The following MARVELD3 variants were observed in gnomAD, a reference collection of about 807,000 sequenced individuals.
MARVELD3 encodes MARVEL domain containing 3.
A neutral mutation model predicts 33.5 loss-of-function variants in MARVELD3; 28 were observed. The ratio of observed to expected loss-of-function variants is 0.84; its 90% confidence interval spans 0.62 to 1.15. The LOEUF is 1.15. Among genes scored for constraint, MARVELD3 ranks in the 50% most tolerant of loss-of-function variants. The probability of loss-of-function intolerance (pLI) is 0.00; values close to 1 mark genes in which losing one functional copy is unlikely to be tolerated. For synonymous variants in MARVELD3, 241 were observed against 230.4 expected, an observed-to-expected ratio of 1.05 and a Z score of -0.42; for missense variants, 582 against 547.6, an observed-to-expected ratio of 1.06 and a Z score of -0.63.
chr16:71,637,885 T>C (rs747309261), downstream of MARVELD3: 4 of 152,208 alleles, frequency 2.6e-5, no homozygotes, highest in Non-Finnish European at 5.9e-5. Context: ...ACTTGCTTTT[T>C]TGTTGTTGTT....
intron 2 of MARVELD3, among the ~76,000 whole-genome samples, chr16:71,632,274 A>G (rs1161387205): frequency 6.6e-6 from 1 of 152,228 alleles, no homozygotes. Flanking sequence ...GATTATGGTT[A>G]CATGGTACAT....
chr16:71,630,081 T>TA (rs35937926), intron 2 of MARVELD3, among the ~76,000 whole-genome samples: 47,194 of 138,956 alleles, frequency 0.34, 8,380 homozygotes, highest in East Asian at 0.73. Flanking sequence ...ATCTCTAGTT[T>TA]AAAAAAAAAA....
chr16:71,626,646 G>A lies in MARVELD3; in HGVS notation c.417G>A (p.Glu139=). ...GGCCCGCGCCCTGGGAAGCCCCGGA[G>A]CCGCCGCAGCCGCAGAGGAAGGGAG... ...PPGPAPWEAP[E]PPQPQRKGDP... Residue 139 remains glutamate (E), a synonymous_variant, in exon 1 of 3, where the codon GAG becomes GAA. Coordinates refer to ENST00000268485, the MANE Select transcript of MARVELD3 (RefSeq NM_052858.6). This position sits in a 1 kb window ranked among gnomAD's most constrained non-coding sequence, Gnocchi z 5.3. 2.6e-6 allele frequency: 4 copies of A among 1,533,756 alleles called. No individual in the cohort carries two copies. Among genetic ancestry groups the A allele is most frequent in the Non-Finnish European group, 3.5e-6 (4 of 1,143,374 alleles).
At position 71,629,514 on chromosome 16, in the gene MARVELD3, G is replaced by C; in HGVS notation, c.595+20G>C. ...GGAGAGGTGAGCCGTTTTGCAGGCT[G>C]TTTGATCATTTACTGTCACTGGTGG... On this transcript the variant is annotated intron_variant, in intron 2 of 2. Coordinates refer to ENST00000268485, the MANE Select transcript of MARVELD3 (RefSeq NM_052858.6). The C allele has an allele frequency of 6.4e-7, 1 of 1,550,464 alleles. No individual in the cohort carries two copies. The highest frequency in any genetic ancestry group is 1.3e-5 in the South Asian group (1 of 79,620).
chr16:71,626,227 G>T lies in MARVELD3; in HGVS notation c.-3G>T. On this transcript the variant is annotated 5_prime_UTR_variant, in exon 1 of 3. Transcript: ENST00000268485. The surrounding 1 kb of genome is among the most constrained non-coding windows in gnomAD (Gnocchi z 5.3). ...CTCCCGGGCGGGGACACGGAACCCG[G>T]CCATGGAAGATCCGTCGGGGGCTCG... The T allele has an allele frequency of 6.7e-7, 1 of 1,483,760 alleles. No individual in the cohort carries two copies. The highest frequency in any genetic ancestry group is 8.9e-7 in the Non-Finnish European group (1 of 1,120,414). The allele number at this position is 1,483,760 out of a possible 1,614,324, so 91.9% of individuals were successfully genotyped here. A position where few individuals can be genotyped will look rare whatever the true frequency, so the allele number is the denominator to read the frequency against.
At position 71,635,259 on chromosome 16, in the gene MARVELD3, G is replaced by A. The variant is rs370109078; in HGVS notation, c.*456G>A. The stretch of plus-strand genomic sequence containing the variant: ...CAGGAGAATCGCTTGAATCTGGGAG[G>A]CGGAGATTGCAGTGAGCCGAGATCC... On this transcript the variant is annotated 3_prime_UTR_variant, in exon 3 of 3. Transcript: ENST00000268485. 1.1e-4 allele frequency: 100 copies of A among 888,436 alleles called. No individual in the cohort carries two copies. The East Asian group carries it at 1.7e-3, about 15-fold the overall frequency. The allele number at this position is 888,436 out of a possible 1,614,324, so 55.0% of individuals were successfully genotyped here. A position where few individuals can be genotyped will look rare whatever the true frequency, so the allele number is the denominator to read the frequency against.
chr16:71,631,662 G>C (rs184806951), intron 2 of MARVELD3, among the ~76,000 whole-genome samples: 1 of 152,026 alleles, frequency 6.6e-6, no homozygotes, highest in Non-Finnish European at 1.5e-5. Flanking sequence ...TGGCCAGGCC[G>C]GTCTTGAACT....
In MARVELD3 at chr16:71,626,279, G is replaced by A. The variant is rs2044465947; in HGVS notation, c.50G>A (p.Arg17Gln). 1 of 1,539,582 alleles carries A rather than the reference G, an allele frequency of 6.5e-7. No homozygotes were observed. Among genetic ancestry groups the A allele is most frequent in the South Asian group, 1.2e-5 (1 of 83,382 alleles). The change falls in exon 1 of 3, where the codon CGG becomes CAG. Residue 17 changes from arginine (R) to glutamine (Q), a missense_variant. Physicochemically the swap from Arg to Gln is conservative, Grantham distance 43. Transcript: ENST00000268485. The surrounding 1 kb of genome is among the most constrained non-coding windows in gnomAD (Gnocchi z 5.3). ...AREPRARPRERDPGRRPHPDQ... is the reference protein window; with the variant it reads ...AREPRARPREQDPGRRPHPDQ... ...GAGCCCCGGGCCCGGCCGAGAGAGC[G>A]GGACCCGGGACGGCGCCCCCACCCA...
At chr16:71,629,294 A>G in intron 1 of MARVELD3, 73 bp from the exon 2 acceptor site, 19 of 1,440,196 alleles carry the variant, frequency 1.3e-5, no homozygotes, top group Non-Finnish European at 1.7e-5. Flanking sequence ...CAGCACGAGG[A>G]GTCAAGAGTT....
intron 2 of MARVELD3, among the ~76,000 whole-genome samples, chr16:71,633,138 G>A (rs61119598): frequency 1.3e-5 from 2 of 151,864 alleles, no homozygotes; most frequent in African/African-American, 4.8e-5. Context: ...CAAGGCAGGA[G>A]GATCGCCTGA....
rs2044477541 is a variant in MARVELD3 at position 71,626,759 on chromosome 16, C to T, written c.467+63C>T. ...GACACCTGTGGCCCAGGCCGGCCCG[C>T]GAGGCCCTGGCGTCCCCGGGTTCTC... On this transcript the variant is annotated intron_variant, in intron 1 of 2. Transcript: ENST00000268485. This position sits in a 1 kb window ranked among gnomAD's most constrained non-coding sequence, Gnocchi z 5.3. 6 of 1,320,132 alleles carry T rather than the reference C, an allele frequency of 4.5e-6. No individual in the cohort carries two copies. In the South Asian group the frequency reaches 7.0e-5, roughly 15 times the overall value. 81.8% of individuals were successfully genotyped at this position (1,320,132 alleles called of 1,614,324 possible). A position where few individuals can be genotyped will look rare whatever the true frequency, so the allele number is the denominator to read the frequency against.
chr16:71,635,219 C>G lies in MARVELD3; in HGVS notation c.*416C>G, dbSNP rs1224458161. The G allele has an allele frequency of 5.8e-5, 46 of 791,528 alleles. No individual in the cohort carries two copies. Among genetic ancestry groups the G allele is most frequent in the Non-Finnish European group, 6.4e-5 (42 of 652,404 alleles). 49.0% of individuals were successfully genotyped at this position (791,528 alleles called of 1,614,324 possible). A position where few individuals can be genotyped will look rare whatever the true frequency, so the allele number is the denominator to read the frequency against. The stretch of plus-strand genomic sequence containing the variant: ...TGGCGGGCGCCTGTAATCCCAGCTA[C>G]TTGGGAGGCTGAGGCAGGAGAATCG... On this transcript the variant is annotated 3_prime_UTR_variant, in exon 3 of 3. Transcript: ENST00000268485.
In MARVELD3 at chr16:71,626,184, G is replaced by T; in HGVS notation, c.-46G>T. 2 of 1,428,302 alleles carry T rather than the reference G, an allele frequency of 1.4e-6. No homozygotes were observed. The highest frequency in any genetic ancestry group is 1.4e-5 in the African/African-American group (1 of 69,016). The allele number at this position is 1,428,302 out of a possible 1,614,324, so 88.5% of individuals were successfully genotyped here. On this transcript the variant is annotated 5_prime_UTR_variant, in exon 1 of 3. Transcript: ENST00000268485. This position sits in a 1 kb window ranked among gnomAD's most constrained non-coding sequence, Gnocchi z 5.3. ...GGCCACCTGCCCAAGAAACTTGTTGGTTGTTGCCCTCAGGTCGCTCCCGGG... is the reference window on the plus strand; with the variant it reads ...GGCCACCTGCCCAAGAAACTTGTTGTTTGTTGCCCTCAGGTCGCTCCCGGG...
chr16:71,631,721 C>T (rs2044536032), intron 2 of MARVELD3, among the ~76,000 whole-genome samples: 1 of 152,164 alleles, frequency 6.6e-6, no homozygotes. Flanking sequence ...GCTAGGATTA[C>T]AGGCATGAGC....
chr16:71,632,205 G>A (rs1180953717), intron 2 of MARVELD3, among the ~76,000 whole-genome samples: 2 of 152,210 alleles, frequency 1.3e-5, no homozygotes, highest in Non-Finnish European at 2.9e-5. Flanking sequence ...GAAAGTGAGG[G>A]ATTGACTGCA....
At chr16:71,628,544 A>C (rs1448751568) in intron 1 of MARVELD3, among the ~76,000 whole-genome samples, 2 of 151,138 alleles carry the variant, frequency 1.3e-5, no homozygotes, top group Non-Finnish European at 3.0e-5. Flanking sequence ...CTCAAAACAA[A>C]AAAAAAAAAA....
Position 71,629,502 on chromosome 16 carries a change from G to C in MARVELD3, c.595+8G>C, listed in dbSNP as rs372913115. 8.3e-6 allele frequency: 13 copies of C among 1,559,280 alleles called. 1 individual carries two copies. The highest frequency in any genetic ancestry group is 1.4e-5 in the African/African-American group (1 of 71,304). On this transcript the variant is annotated splice_region_variant and intron_variant, in intron 2 of 2. Transcript: ENST00000268485. The stretch of plus-strand genomic sequence containing the variant: ...ACTTGTGCACTGGGAGAGGTGAGCC[G>C]TTTTGCAGGCTGTTTGATCATTTAC...
chr16:71,635,600 G>A lies in MARVELD3; in HGVS notation c.*797G>A, dbSNP rs926139830. 7.1e-6 allele frequency: 7 copies of A among 983,126 alleles called. No homozygotes were observed. In the East Asian group the frequency reaches 3.4e-4, roughly 48 times the overall value. The allele number at this position is 983,126 out of a possible 1,614,324, so 60.9% of individuals were successfully genotyped here. A position where few individuals can be genotyped will look rare whatever the true frequency, so the allele number is the denominator to read the frequency against. On this transcript the variant is annotated 3_prime_UTR_variant, in exon 3 of 3. Coordinates refer to ENST00000268485, the MANE Select transcript of MARVELD3 (RefSeq NM_052858.6). Reference sequence around the variant, plus strand: ...CTAGCCTGAGCAACAGACCAAGACCGTATTGCCAAAATACCAAAAAAAAAA... The same window carrying A: ...CTAGCCTGAGCAACAGACCAAGACCATATTGCCAAAATACCAAAAAAAAAA...
rs1388992019 is a variant in MARVELD3, at chr16:71,634,378, C to G, written c.781C>G (p.Gln261Glu). 1 of 1,614,152 alleles carries G rather than the reference C, an allele frequency of 6.2e-7. No homozygotes were observed. The highest frequency in any genetic ancestry group is 1.1e-5 in the South Asian group (1 of 91,068). The change falls in exon 3 of 3, where the codon CAG becomes GAG. Residue 261 changes from glutamine to glutamate, a missense_variant. Gln to Glu is a conservative substitution (Grantham distance 29). Transcript: ENST00000268485. ...GGAGAAGGCCCAGCAACTGGATGTC[C>G]AGTTCTACCAGCTAAAGCTGCCCAT... ...DGEKAQQLDV[Q>E]FYQLKLPMVT...
Sources: allele counts gnomAD v4.1 joint callset (sites outside exome capture counted in the v4.1 genomes callset), GRCh38; gene constraint gnomAD v4.1.1; non-coding constraint Gnocchi (gnomAD v3.1); transcripts MANE v1.5; gene names NCBI Gene and HGNC (gene_info 2026-07-23, HGNC 2026-07-21).